CACHD1: variants seen among roughly 807,000 people sequenced by gnomAD.
CACHD1 encodes the protein cache domain containing 1.
In CACHD1, 71 loss-of-function variants were observed where a neutral mutation model predicts 138.7. The ratio of observed to expected loss-of-function variants is 0.51; its 90% CI spans 0.42 to 0.62. The LOEUF (loss-of-function observed/expected upper bound fraction) is 0.62, where lower values mean the gene tolerates loss of function less well. CACHD1 is among the 20% of genes least tolerant of loss of function. CACHD1 has a pLI of 0.00. For synonymous variants in CACHD1, 578 were observed against 591.5 expected, an observed-to-expected ratio of 0.98 and a Z score of 0.33; for missense variants, 1,389 against 1,625.3, an observed-to-expected ratio of 0.85 and a Z score of 2.50.
chr1:64,599,572 G>A (rs528502954), intron 3 of CACHD1, among the ~76,000 whole-genome samples: 1 of 152,188 alleles, frequency 6.6e-6, no homozygotes, highest in South Asian at 2.1e-4. Flanking sequence ...AGAGAAGGTC[G>A]GATAGATTAT....
intron 4 of CACHD1, among the ~76,000 whole-genome samples, chr1:64,611,160 A>T (rs1420453995): frequency 6.6e-6 from 1 of 152,126 alleles, no homozygotes; most frequent in Non-Finnish European, 1.5e-5. Context: ...CTGGCCAAAG[A>T]AACCATTTAT....
intron 1 of CACHD1, among the ~76,000 whole-genome samples, chr1:64,477,931 G>C (rs950907703): frequency 6.6e-6 from 1 of 151,594 alleles, no homozygotes; most frequent in Non-Finnish European, 1.5e-5. Context: ...ACCGCGCCCG[G>C]CCCCCCCAGA....
Position 64,691,753 on chromosome 1 carries a change from A to G in CACHD1, c.*192A>G. ...AACAACAACACAGTCACATTTGTGA[A>G]GATGTGAGGCTGGTTCTGAAATGGA... On this transcript the variant is annotated 3_prime_UTR_variant, in exon 27 of 27. Transcript: ENST00000651257. 1.7e-6 allele frequency: 1 copy of G among 596,698 alleles called. No individual in the cohort carries two copies. Among genetic ancestry groups the G allele is most frequent in the Non-Finnish European group, 3.0e-6 (1 of 336,840 alleles). The allele number at this position is 596,698 out of a possible 1,614,324, so 37.0% of individuals were successfully genotyped here.
chr1:64,653,824 A>T lies in CACHD1; in HGVS notation c.1607A>T (p.Asp536Val). The change falls in exon 11 of 27, where the codon GAC (aspartate) becomes GTC (valine). Residue 536 changes from aspartate to valine, a missense_variant. This residue lies in a region of CACHD1 where 1,000 missense variants were observed against 1,114.7 expected (regional missense o/e 0.90). Transcript: ENST00000651257. ...TTGTCAGAGCCCCCACTTCATACTG[A>T]CATCATACATTATGAAAATATTCCA... ...YLLSEPPLHT[D>V]IIHYENIPKF... The T allele has an allele frequency of 6.2e-7, 1 of 1,612,042 alleles. No homozygotes were observed. Among genetic ancestry groups the T allele is most frequent in the Non-Finnish European group, 8.5e-7 (1 of 1,178,212 alleles).
intron 7 of CACHD1, among the ~76,000 whole-genome samples, chr1:64,638,217 C>T (rs1291811153): frequency 6.6e-6 from 1 of 152,176 alleles, no homozygotes; most frequent in Non-Finnish European, 1.5e-5. Context: ...AGTGTAAACT[C>T]TATACATCAC....
intron 2 of CACHD1, among the ~76,000 whole-genome samples, chr1:64,556,441 AT>A (rs1646797422): frequency 6.6e-6 from 1 of 152,016 alleles, no homozygotes; most frequent in Admixed American, 6.6e-5. Flanking sequence ...TCTGGCTTGC[AT>A]TTTCTATCCA....
At chr1:64,668,666 T>C (rs1649719321) in intron 16 of CACHD1, among the ~76,000 whole-genome samples, 1 of 152,340 alleles carries the variant, frequency 6.6e-6, no homozygotes, top group African/African-American at 2.4e-5. Flanking sequence ...ACTCAGTGAG[T>C]GTATATTCCC....
At chr1:64,680,538 A>G (rs1650140690) in intron 24 of CACHD1, among the ~76,000 whole-genome samples, 1 of 152,228 alleles carries the variant, frequency 6.6e-6, no homozygotes, top group South Asian at 2.1e-4. Flanking sequence ...ACCTATAATC[A>G]TGGCCTCAAT....
chr1:64,532,877 A>G (rs937457648), intron 1 of CACHD1, among the ~76,000 whole-genome samples: 2 of 152,144 alleles, frequency 1.3e-5, no homozygotes, highest in African/African-American at 2.4e-5. Context: ...AGGAGGAGTA[A>G]AGTAGTGGTA....
intron 25 of CACHD1, among the ~76,000 whole-genome samples, 196 bp from the exon 26 acceptor site, chr1:64,681,809 A>G (rs992372822): frequency 3.9e-5 from 6 of 152,124 alleles, no homozygotes; most frequent in African/African-American, 9.7e-5. Context: ...CGTTGGAGAT[A>G]TATAATTAAA....
Position 64,647,862 on chromosome 1 carries a change from G to C in CACHD1, c.1218G>C (p.Gly406=). ...FLRDLAEQNS[G]KYGVPDRMAL... ...GGGATCTAGCTGAACAGAATTCAGGGAAGTACGGTGTGCCAGACCGGATGG... is the reference window on the plus strand; with the variant it reads ...GGGATCTAGCTGAACAGAATTCAGGCAAGTACGGTGTGCCAGACCGGATGG... Residue 406 remains glycine, a synonymous_variant, in exon 9 of 27, where the codon GGG becomes GGC. Transcript: ENST00000651257. 6.2e-7 allele frequency: 1 copy of C among 1,614,180 alleles called. No individual in the cohort carries two copies. The highest frequency in any genetic ancestry group is 1.3e-5 in the African/African-American group (1 of 75,048).
At chr1:64,637,570 G>A (rs1362707645) in intron 7 of CACHD1, among the ~76,000 whole-genome samples, 1 of 152,172 alleles carries the variant, frequency 6.6e-6, no homozygotes, top group African/African-American at 2.4e-5. Context: ...TTTGATGAGA[G>A]GCATTTCTCC....
At chr1:64,622,165 T>C (rs75724611) in intron 4 of CACHD1, among the ~76,000 whole-genome samples, 6,708 of 152,296 alleles carry the variant, frequency 0.044, 192 homozygotes, top group Middle Eastern at 0.082. Flanking sequence ...GGCTCATGTC[T>C]CTAACCTGTT....
chr1:64,658,744 C>T lies in CACHD1; in HGVS notation c.1822C>T (p.Gln608Ter). The change falls in exon 13 of 27, where the codon CAA becomes TAA. Residue 608 changes from glutamine to a stop codon, truncating the protein, a stop_gained. Coordinates refer to ENST00000651257, the MANE Select transcript of CACHD1 (RefSeq NM_020925.4). LOFTEE classifies it high-confidence loss of function. Reference protein sequence around the residue: ...TSFILCIVVIQPEIPVKQLKN... With the variant: ...TSFILCIVVI ...CTTTATTCTGTGTATTGTGGTGATA[C>T]AACCAGAAATACCTGTGAAACAACT... 1.9e-6 allele frequency: 3 copies of T among 1,611,864 alleles called. No individual in the cohort carries two copies. Among genetic ancestry groups the T allele is most frequent in the Non-Finnish European group, 2.5e-6 (3 of 1,178,820 alleles).
chr1:64,535,800 T>A (rs1646628404), intron 1 of CACHD1, among the ~76,000 whole-genome samples: 1 of 152,116 alleles, frequency 6.6e-6, no homozygotes, highest in Non-Finnish European at 1.5e-5. Flanking sequence ...CATGCTGACC[T>A]CCCCTGGCTT....
intron 26 of CACHD1, among the ~76,000 whole-genome samples, chr1:64,687,202 A>G (rs1235715523): frequency 6.6e-6 from 1 of 152,212 alleles, no homozygotes; most frequent in Admixed American, 6.5e-5. Flanking sequence ...GTCTTCCTCC[A>G]TGAGTCAGGG....
chr1:64,641,942 A>G lies in CACHD1; in HGVS notation c.1129A>G (p.Met377Val). 4 of 1,598,822 alleles carry G rather than the reference A, an allele frequency of 2.5e-6. No individual in the cohort carries two copies. Among genetic ancestry groups the G allele is most frequent in the Non-Finnish European group, 3.4e-6 (4 of 1,175,118 alleles). ...EENSFLNNSV[M>V]ILTYALMNDG... ...AAATAGCTTTCTAAACAACTCTGTA[A>G]TGATTCTCACCTATGCCCTCATGAA... is the stretch of plus-strand genomic sequence containing the variant. Residue 377 changes from methionine (M) to valine (V), a missense_variant, in exon 8 of 27, where the codon ATG becomes GTG. Met to Val is a conservative substitution (Grantham distance 21). Around this residue, in one of 5 missense-constraint regions of CACHD1, gnomAD observed 1,000 missense variants for 1,114.7 expected, o/e 0.90. Coordinates refer to ENST00000651257, the MANE Select transcript of CACHD1 (RefSeq NM_020925.4).
intron 1 of CACHD1, among the ~76,000 whole-genome samples, chr1:64,522,554 G>T (rs968973514): frequency 1.1e-5 from 1 of 88,274 alleles, no homozygotes; most frequent in African/African-American, 2.6e-5. Flanking sequence ...CCGCCTGCCC[G>T]CTTCAGCCTC....
At chr1:64,633,974 C>A in intron 6 of CACHD1, 70 bp from the exon 7 acceptor site, 1 of 1,276,584 alleles carries the variant, frequency 7.8e-7, no homozygotes, top group Non-Finnish European at 1.1e-6. Flanking sequence ...TCTTCTGTTA[C>A]ATAAATAAAT....
Sources: gnomAD v4.1 joint callset for allele counts (sites outside exome capture counted in the v4.1 genomes callset) on GRCh38, gnomAD v4.1.1 for gene constraint, gnomAD v4.1.1 regional missense constraint, MANE v1.5 for transcripts, NCBI Gene and HGNC (gene_info 2026-07-23, HGNC 2026-07-21) for gene names.